Variants in CHORDC1 observed in about 807,000 individuals in gnomAD.
The protein encoded by CHORDC1 is cysteine and histidine rich domain containing 1, also known as cysteine and histidine-rich domain-containing protein 1.
In CHORDC1, 25 loss-of-function variants were observed where a neutral mutation model predicts 48.3. The observed-to-expected ratio is 0.52, with a 90% CI of 0.38 to 0.72. The LOEUF is 0.72. Ranked by LOEUF, CHORDC1 falls within the 30% of genes least tolerant of loss-of-function variation. The probability of loss-of-function intolerance (pLI) is 0.00; values close to 1 mark genes in which losing one functional copy is unlikely to be tolerated. For missense variants in CHORDC1, 317 were observed against 388.7 expected (o/e 0.82, Z 1.55); for synonymous variants, 128 against 126.4 (o/e 1.01, Z -0.09).
intron 2 of CHORDC1, chr11:90,217,895 CA>C (rs71055891): frequency 0.14 from 24,495 of 176,236 alleles, 1,085 homozygotes; most frequent in Middle Eastern, 0.2. Context: ...AACTCCATCT[CA>C]AAAAAAAAAA....
At chr11:90,206,463 G>A (rs1285169533) in intron 6 of CHORDC1, 191 bp from the exon 7 acceptor site, 3 of 503,040 alleles carry the variant, frequency 6.0e-6, no homozygotes, top group Non-Finnish European at 1.1e-5. Flanking sequence ...ACTTGGTTAA[G>A]TTTTAGGTTC....
At chr11:90,209,938 G>A (rs1857814022) in intron 6 of CHORDC1, among the ~76,000 whole-genome samples, 2 of 152,084 alleles carry the variant, frequency 1.3e-5, no homozygotes, top group Non-Finnish European at 2.9e-5. Context: ...TGGCTTAAAA[G>A]AACCACCATA....
chr11:90,214,088 C>T lies in CHORDC1; in HGVS notation c.259G>A (p.Glu87Lys). The T allele has an allele frequency of 6.2e-7, 1 of 1,613,554 alleles. No individual in the cohort carries two copies. Among genetic ancestry groups the T allele is most frequent in the Non-Finnish European group, 8.5e-7 (1 of 1,179,624 alleles). Residue 87 changes from glutamate to lysine, a missense_variant, in exon 4 of 11, where the codon GAA becomes AAA. Coordinates refer to ENST00000320585, the MANE Select transcript of CHORDC1 (RefSeq NM_012124.3). ...TGTTCCTGAAATTTGGGTTTTAATTCACATAGCTCCTTCTTCTCAGTAGTC... is the reference window on the plus strand; with the variant it reads ...TGTTCCTGAAATTTGGGTTTTAATTTACATAGCTCCTTCTTCTCAGTAGTC... The part of the protein sequence containing the change: ...VKTTEKKELC[E>K]LKPKFQEHII...
chr11:90,215,274 A>C (rs1857979963), intron 2 of CHORDC1, 44 bp from the exon 3 acceptor site: 1 of 1,344,092 alleles, frequency 7.4e-7, no homozygotes, highest in East Asian at 2.5e-5. Flanking sequence ...TATTTGCATG[A>C]GAAACACGAC....
chr11:90,216,472 C>G (rs1474811636), intron 2 of CHORDC1: 1 of 333,970 alleles, frequency 3.0e-6, no homozygotes, highest in African/African-American at 2.3e-5. Context: ...ACTTGGTCAA[C>G]TAGTATCCCT....
At chr11:90,213,202 C>T in intron 4 of CHORDC1, 1 of 465,606 alleles carries the variant, frequency 2.1e-6, no homozygotes, top group Non-Finnish European at 3.9e-6. Context: ...TCTAAAGTCT[C>T]TTAGGGTTCT....
At chr11:90,203,262 G>T in intron 9 of CHORDC1, 46 bp downstream of exon 9, 2 of 1,484,638 alleles carry the variant, frequency 1.3e-6, no homozygotes, top group Non-Finnish European at 9.2e-7. Flanking sequence ...CATAAAGAAT[G>T]ATGTATAGAA....
At chr11:90,215,905 T>A (rs1052343547) in intron 2 of CHORDC1, among the ~76,000 whole-genome samples, 1 of 152,048 alleles carries the variant, frequency 6.6e-6, no homozygotes, top group Non-Finnish European at 1.5e-5. Flanking sequence ...CAGATTAAGA[T>A]TTGGGACTAA....
At chr11:90,222,859 G>A (rs1858216188) in intron 1 of CHORDC1, 32 bp downstream of exon 1, 5 of 1,596,942 alleles carry the variant, frequency 3.1e-6, no homozygotes, top group East Asian at 2.2e-5. Flanking sequence ...TGAGGTGGAG[G>A]GGAGGGAGGG....
At chr11:90,218,062 GA>G in intron 2 of CHORDC1, 72 bp downstream of exon 2, 1 of 1,132,306 alleles carries the variant, frequency 8.8e-7, no homozygotes, top group Non-Finnish European at 1.2e-6. Flanking sequence ...AAAAAGATGA[GA>G]AAATAAAGAT....
At chr11:90,221,403 C>G (rs1858168663) in intron 1 of CHORDC1, among the ~76,000 whole-genome samples, 3 of 152,298 alleles carry the variant, frequency 2.0e-5, no homozygotes, top group South Asian at 4.1e-4. Context: ...TCTGCTGTAA[C>G]TAGTACTGCT....
At chr11:90,206,173 A>G (rs190067833) in intron 7 of CHORDC1, 29 bp downstream of exon 7, 1 of 1,257,146 alleles carries the variant, frequency 8.0e-7, no homozygotes, top group Non-Finnish European at 1.2e-6. Flanking sequence ...TCTACCATAA[A>G]CTATTTTAAT....
At chr11:90,218,704 C>T (rs1420188818) in intron 1 of CHORDC1, among the ~76,000 whole-genome samples, 1 of 152,076 alleles carries the variant, frequency 6.6e-6, no homozygotes, top group East Asian at 1.9e-4. Context: ...AGGTACAAAC[C>T]TCACTAAAAA....
At chr11:90,211,889 A>T (rs928033225) in intron 4 of CHORDC1, 1 of 147,184 alleles carries the variant, frequency 6.8e-6, no homozygotes, top group African/African-American at 2.5e-5. Flanking sequence ...ATTTAAGTCC[A>T]CTCAATAAAT....
intron 8 of CHORDC1, among the ~76,000 whole-genome samples, chr11:90,204,190 A>G (rs1857610228): frequency 6.6e-6 from 1 of 152,134 alleles, no homozygotes; most frequent in African/African-American, 2.4e-5. Flanking sequence ...TTAGATACTT[A>G]ATACTTGATA....
chr11:90,202,456 T>C lies in CHORDC1; in HGVS notation c.948A>G (p.Glu316=). Residue 316 remains glutamate, a synonymous_variant, in exon 11 of 11, where the codon GAA becomes GAG. Transcript: ENST00000320585. ...KAEPMQWASL[E]LPAAKKQEKQ... Reference sequence around the variant, plus strand: ...TTTCCTGCTTTTTAGCTGCAGGCAGTTCAAGGCTTGCCCACTGCATCGGTT... The same window carrying C: ...TTTCCTGCTTTTTAGCTGCAGGCAGCTCAAGGCTTGCCCACTGCATCGGTT... 2 of 1,612,160 alleles carry C rather than the reference T, an allele frequency of 1.2e-6. No homozygotes were observed. Among genetic ancestry groups the C allele is most frequent in the Admixed American group, 1.7e-5 (1 of 60,010 alleles).
At chr11:90,211,061 T>C in intron 5 of CHORDC1, 154 bp downstream of exon 5, 2 of 509,404 alleles carry the variant, frequency 3.9e-6, no homozygotes, top group Non-Finnish European at 6.9e-6. Context: ...GAAGTATTTG[T>C]AGTTTATCAT....
intron 1 of CHORDC1, among the ~76,000 whole-genome samples, chr11:90,221,399 G>GT (rs1858168577): frequency 6.6e-6 from 1 of 152,140 alleles, no homozygotes; most frequent in Non-Finnish European, 1.5e-5. Flanking sequence ...TTTCTCTGCT[G>GT]TAACTAGTAC....
intron 2 of CHORDC1, chr11:90,216,348 T>C (rs368135472): frequency 8.5e-6 from 2 of 236,140 alleles, no homozygotes; most frequent in African/African-American, 2.3e-5. Flanking sequence ...ATTTAAGTTA[T>C]GTGAATATAA....
Sources: gnomAD v4.1 joint callset for allele counts (sites outside exome capture counted in the v4.1 genomes callset) on GRCh38, gnomAD v4.1.1 for gene constraint, MANE v1.5 for transcripts, NCBI Gene and HGNC (gene_info 2026-07-23, HGNC 2026-07-21) for gene names.